Variants in SLC15A4 observed in about 807,000 individuals in gnomAD.
The protein encoded by SLC15A4 is hPHT1.
Under a neutral mutation model 46.1 loss-of-function variants are expected in SLC15A4, and 26 were observed. The observed-to-expected ratio is 0.56, with a 90% CI of 0.41 to 0.78. The LOEUF (loss-of-function observed/expected upper bound fraction) is 0.78. Ranked by LOEUF, SLC15A4 falls within the 30% of genes least tolerant of loss-of-function variation. The pLI, the probability that SLC15A4 is intolerant of heterozygous loss-of-function variation, is 0.00. For missense variants in SLC15A4, 751 were observed against 755.7 expected (o/e 0.99, Z 0.07); for synonymous variants, 370 against 333.4 (o/e 1.11, Z -1.20).
chr12:128,800,699 T>G (rs1955507915), intron 6 of SLC15A4, 155 bp downstream of exon 6: 1 of 680,780 alleles, frequency 1.5e-6, no homozygotes, highest in Admixed American at 3.5e-5. Context: ...ACTGGTGTGT[T>G]TACCTAGCGA....
Position 128,823,869 on chromosome 12 carries a change from C to G in SLC15A4, c.75G>C (p.Ala25=). The G allele has an allele frequency of 1.0e-6, 1 of 978,722 alleles. No individual in the cohort carries two copies. The highest frequency in any genetic ancestry group is 1.2e-6 in the Non-Finnish European group (1 of 824,692). The allele number at this position is 978,722 out of a possible 1,614,324, so 60.6% of individuals were successfully genotyped here. A position where few individuals can be genotyped will look rare whatever the true frequency, so the allele number is the denominator to read the frequency against. The change falls in exon 1 of 8, where the codon GCG becomes GCC. Residue 25 remains alanine (A), a synonymous_variant. Coordinates refer to ENST00000266771, the MANE Select transcript of SLC15A4 (RefSeq NM_145648.4). ...LGARRAAAAA[A]AAGAFAGRRA... is the part of the protein sequence containing the mutation. Reference sequence around the variant, plus strand: ...GCCGGCCCGCGAACGCCCCAGCCGCCGCCGCGGCCGCCGCCGCCCGCCGCG... The same window carrying G: ...GCCGGCCCGCGAACGCCCCAGCCGCGGCCGCGGCCGCCGCCGCCCGCCGCG...
chr12:128,806,867 A>G (rs10734965), intron 5 of SLC15A4, among the ~76,000 whole-genome samples: 103,992 of 149,442 alleles, frequency 0.7, 36,692 homozygotes, highest in East Asian at 0.77. Flanking sequence ...CAGTCAGTAC[A>G]TACTGGACTT....
intron 1 of SLC15A4, among the ~76,000 whole-genome samples, chr12:128,816,250 C>T (rs1010270441): frequency 2.0e-5 from 3 of 152,198 alleles, no homozygotes; most frequent in Admixed American, 6.5e-5. Context: ...CTTCTCTGCC[C>T]ACCTGGATTT....
At position 128,808,494 on chromosome 12, in the gene SLC15A4, T is replaced by C. The variant is rs1456425149; in HGVS notation, c.1258+294A>G. On this transcript the variant is annotated intron_variant, in intron 5 of 7. Coordinates refer to ENST00000266771, the MANE Select transcript of SLC15A4 (RefSeq NM_145648.4). ...AAAAATTCATCTATTCAGCATTCAA[T>C]AGCCTAATTCTAAATCAGTAGGTAG... Among the ~76,000 whole-genome samples, 5 of 152,336 alleles carry C rather than the reference T, an allele frequency of 3.3e-5. No homozygotes were observed. In the East Asian group the frequency reaches 9.6e-4, roughly 29 times the overall value.
At chr12:128,805,586 G>A (rs1955575845) in intron 5 of SLC15A4, among the ~76,000 whole-genome samples, 1 of 152,128 alleles carries the variant, frequency 6.6e-6, no homozygotes, top group East Asian at 1.9e-4. Context: ...AGGCTGGAGT[G>A]CAATGGCATG....
Position 128,810,115 on chromosome 12 carries a change from T to G in SLC15A4, c.843-4A>C. ...CTGAAAGACTCCAATGCCTTCACTTTGGGAAATAAAATGAAGGAATTAGTT... is the reference window on the plus strand; with the variant it reads ...CTGAAAGACTCCAATGCCTTCACTTGGGGAAATAAAATGAAGGAATTAGTT... On this transcript the variant is annotated splice_region_variant and splice_polypyrimidine_tract_variant and intron_variant, in intron 2 of 7. Coordinates refer to ENST00000266771, the MANE Select transcript of SLC15A4 (RefSeq NM_145648.4). 1 of 1,609,360 alleles carries G rather than the reference T, an allele frequency of 6.2e-7. No homozygotes were observed. The highest frequency in any genetic ancestry group is 8.5e-7 in the Non-Finnish European group (1 of 1,178,242).
chr12:128,809,740 T>C (rs1566051999), intron 3 of SLC15A4: 2 of 556,380 alleles, frequency 3.6e-6, no homozygotes. Flanking sequence ...GTACCTGTTC[T>C]CAGCTTCTTT....
intron 6 of SLC15A4, among the ~76,000 whole-genome samples, chr12:128,800,565 T>G (rs73436437): frequency 2.2e-4 from 34 of 152,352 alleles, no homozygotes; most frequent in African/African-American, 7.9e-4. Flanking sequence ...AGGGCTCCGC[T>G]GGGAACTATC....
chr12:128,807,773 G>A (rs1955607279), intron 5 of SLC15A4, among the ~76,000 whole-genome samples: 2 of 152,210 alleles, frequency 1.3e-5, no homozygotes, highest in Admixed American at 1.3e-4. Flanking sequence ...ACTTCATTCA[G>A]ACACGACCTC....
chr12:128,813,466 A>T (rs1208594233), intron 2 of SLC15A4: 1 of 152,266 alleles, frequency 6.6e-6, no homozygotes, highest in East Asian at 1.9e-4. Flanking sequence ...CAGCCGGAGA[A>T]ATCAGAGATG....
At chr12:128,819,377 T>C (rs1593017819) in intron 1 of SLC15A4, among the ~76,000 whole-genome samples, 1 of 152,252 alleles carries the variant, frequency 6.6e-6, no homozygotes, top group East Asian at 1.9e-4. Context: ...CACCCCAGCC[T>C]GGACAAGAGA....
chr12:128,806,292 A>G (rs948924015), intron 5 of SLC15A4, among the ~76,000 whole-genome samples: 1 of 152,148 alleles, frequency 6.6e-6, no homozygotes, highest in Non-Finnish European at 1.5e-5. Context: ...TAAGATGACA[A>G]GTTTGATAAA....
chr12:128,812,486 A>AT (rs1955670979), intron 2 of SLC15A4, among the ~76,000 whole-genome samples: 1 of 151,878 alleles, frequency 6.6e-6, no homozygotes, highest in South Asian at 2.1e-4. Context: ...CGCCCGGCTA[A>AT]TTTTTTGTAT....
intron 3 of SLC15A4, 119 bp from the exon 4 acceptor site, chr12:128,809,592 A>G (rs1955629369): frequency 1.5e-6 from 1 of 657,652 alleles, no homozygotes; most frequent in Non-Finnish European, 2.6e-6. Context: ...CCAGAAATAG[A>G]CAATGGCTCA....
intron 1 of SLC15A4, chr12:128,819,699 T>C (rs1955808075): frequency 6.6e-6 from 1 of 152,212 alleles, no homozygotes; most frequent in Admixed American, 6.5e-5. Context: ...TCTTTTAACA[T>C]GACAGCATTA....
At chr12:128,806,218 T>C (rs527277492) in intron 5 of SLC15A4, among the ~76,000 whole-genome samples, 5 of 149,416 alleles carry the variant, frequency 3.3e-5, no homozygotes, top group African/African-American at 1.2e-4. Context: ...CAACACAAAC[T>C]GTACACAGAA....
chr12:128,807,674 G>A (rs796831662), intron 5 of SLC15A4, among the ~76,000 whole-genome samples: 20 of 152,318 alleles, frequency 1.3e-4, no homozygotes, highest in African/African-American at 2.4e-4. Flanking sequence ...AGAGCCCTGC[G>A]GTGATTCAGT....
intron 7 of SLC15A4, among the ~76,000 whole-genome samples, chr12:128,798,826 T>C (rs1286353330): frequency 6.6e-6 from 1 of 152,234 alleles, no homozygotes; most frequent in Non-Finnish European, 1.5e-5. Flanking sequence ...ATCTTGTCTT[T>C]TTCGTATCAG....
intron 1 of SLC15A4, 95 bp downstream of exon 1, chr12:128,823,303 T>C (rs1195676715): frequency 8.2e-7 from 1 of 1,213,158 alleles, no homozygotes. Flanking sequence ...AGGGGCTCCC[T>C]CCGCGGTCAG....
Sources: gnomAD v4.1 joint callset for allele counts (sites outside exome capture counted in the v4.1 genomes callset) on GRCh38, gnomAD v4.1.1 for gene constraint, MANE v1.5 for transcripts, NCBI Gene and HGNC (gene_info 2026-07-23, HGNC 2026-07-21) for gene names.